The following CRYBG1 variants were observed in gnomAD, a reference collection of about 807,000 sequenced individuals.
CRYBG1 encodes crystallin beta-gamma domain containing 1.
A neutral mutation model predicts 189.2 loss-of-function variants in CRYBG1; 139 were observed. The observed-to-expected ratio is 0.73, with a 90% CI of 0.64 to 0.85. CRYBG1 has a LOEUF of 0.85. CRYBG1 is among the 40% of genes least tolerant of loss of function. The probability of loss-of-function intolerance (pLI) is 0.00; values close to 1 mark genes in which losing one functional copy is unlikely to be tolerated. For missense variants in CRYBG1, 2,611 were observed against 2,675.8 expected, an observed-to-expected ratio of 0.98 and a Z score of 0.53; for synonymous variants, 1,023 against 1,017.1, an observed-to-expected ratio of 1.01 and a Z score of -0.11.
At position 106,500,278 on chromosome 6, in the gene CRYBG1, C is replaced by T. The variant is rs553073979; in HGVS notation, c.313-11152C>T. ...CTATACTAATTTATATTCCCACCAA[C>T]AGTGTATAAGAATTCCCATTCTCCA... On this transcript the variant is annotated intron_variant, in intron 2 of 21. Transcript: ENST00000633556. Among the ~76,000 whole-genome samples the T allele has an allele frequency of 2.6e-5, 4 of 152,310 alleles. No individual in the cohort carries two copies. In the East Asian group the frequency reaches 7.7e-4, roughly 29 times the overall value.
At chr6:106,446,382 T>C (rs1425469522) in intron 1 of CRYBG1, among the ~76,000 whole-genome samples, 1 of 152,202 alleles carries the variant, frequency 6.6e-6, no homozygotes, top group Non-Finnish European at 1.5e-5. Context: ...AATAATTCAA[T>C]TCAATGCAGG....
chr6:106,497,985 C>T lies in CRYBG1; in HGVS notation c.313-13445C>T, dbSNP rs149042871. ...GCGTGGTGGCGCACGCCTGTAGTCC[C>T]AGCTGCTTAGGAGGCTGAGGCATGA... On this transcript the variant is annotated intron_variant, in intron 2 of 21. Coordinates refer to ENST00000633556, the MANE Select transcript of CRYBG1 (RefSeq NM_001371242.2). Among the ~76,000 whole-genome samples, 735 of 152,084 alleles carry T rather than the reference C, an allele frequency of 4.8e-3. 7 individuals are homozygous for T. Among genetic ancestry groups the T allele is most frequent in the African/African-American group, 0.017 (711 of 41,484 alleles).
chr6:106,423,694 CCTTTTTTT>C lies in CRYBG1; in HGVS notation c.174-27999_174-27992del, dbSNP rs1250996550. ...CCCTCCAGTCCTCAGTTCTCCCTCC[CCTTTTTTT>C]TTTTTTTTTTTTTTTTTTTTTGAGA... On this transcript the variant is annotated intron_variant, in intron 1 of 21. Coordinates refer to ENST00000633556, the MANE Select transcript of CRYBG1 (RefSeq NM_001371242.2). Among the ~76,000 whole-genome samples, 483 of 101,218 alleles carry C rather than the reference CCTTTTTTT, an allele frequency of 4.8e-3. 28 individuals carry two copies. Among genetic ancestry groups the C allele is most frequent in the African/African-American group, 0.019 (447 of 23,618 alleles). The allele number at this position is 101,218 out of a possible 152,430, so 66.4% of individuals were successfully genotyped here.
At chr6:106,556,048 TATTG>T in intron 17 of CRYBG1, 151 bp downstream of exon 17, 5 of 880,556 alleles carry the variant, frequency 5.7e-6, no homozygotes, top group Non-Finnish European at 8.9e-6. Flanking sequence ...ACATCTAGTT[TATTG>T]ATTCTAACTG....
At chr6:106,448,751 A>G (rs771117239) in intron 1 of CRYBG1, among the ~76,000 whole-genome samples, 6 of 152,112 alleles carry the variant, frequency 3.9e-5, no homozygotes, top group Non-Finnish European at 5.9e-5. Flanking sequence ...TTTTTTCCTA[A>G]TTGAACCTCA....
At chr6:106,365,680 A>ATTTTTTTTTTTTTT (rs10714082) in intron 1 of CRYBG1, among the ~76,000 whole-genome samples, 1 of 132,352 alleles carries the variant, frequency 7.6e-6, no homozygotes, top group Non-Finnish European at 1.7e-5. Context: ...AAGAACCTGT[A>ATTTTTTTTTTTTTT]TTTTTTTTTA....
chr6:106,422,159 T>C (rs1257548514), intron 1 of CRYBG1, among the ~76,000 whole-genome samples: 1 of 152,136 alleles, frequency 6.6e-6, no homozygotes, highest in Non-Finnish European at 1.5e-5. Flanking sequence ...CTCATTAGAA[T>C]TGGTGACTCC....
In CRYBG1 at chr6:106,502,410, G is replaced by T. The variant is rs376213715; in HGVS notation, c.313-9020G>T. On this transcript the variant is annotated intron_variant, in intron 2 of 21. Coordinates refer to ENST00000633556, the MANE Select transcript of CRYBG1 (RefSeq NM_001371242.2). ...CATTTTCCAGTTTGGCTAAATTTTA[G>T]TTAGGAACTAACTTGTCAGTAATTT... Among the ~76,000 whole-genome samples the T allele has an allele frequency of 5.9e-5, 9 of 152,280 alleles. No individual in the cohort carries two copies. The East Asian group carries it at 9.7e-4, about 16-fold the overall frequency.
At chr6:106,492,676 T>TATCATATGGCACTTATC (rs57985604) in intron 2 of CRYBG1, among the ~76,000 whole-genome samples, 2,617 of 152,256 alleles carry the variant, frequency 0.017, 84 homozygotes, top group African/African-American at 0.06. Flanking sequence ...TGGTAGTTAT[T>TATCATATGGCACTTATC]ATCATATGGC....
chr6:106,377,612 C>T (rs1770192653), intron 1 of CRYBG1, among the ~76,000 whole-genome samples: 1 of 5,168 alleles, frequency 1.9e-4, no homozygotes, highest in Admixed American at 3.1e-3. Flanking sequence ...ACTCATAAGT[C>T]CTAAGGTTTT....
At chr6:106,374,517 C>T (rs947870204) in intron 1 of CRYBG1, among the ~76,000 whole-genome samples, 23 of 152,152 alleles carry the variant, frequency 1.5e-4, no homozygotes, top group African/African-American at 5.3e-4. Flanking sequence ...ATGATTGTGC[C>T]ACTGCACTCC....
chr6:106,524,105 T>C (rs1392277687), intron 4 of CRYBG1, among the ~76,000 whole-genome samples: 1 of 152,188 alleles, frequency 6.6e-6, no homozygotes, highest in Non-Finnish European at 1.5e-5. Context: ...GTTCCTAAAA[T>C]AGGCATCCTG....
At chr6:106,521,601 A>G (rs1344764878) in intron 4 of CRYBG1, 148 bp downstream of exon 4, 1 of 948,580 alleles carries the variant, frequency 1.1e-6, no homozygotes, top group Admixed American at 3.2e-5. Context: ...AAAACCTGCA[A>G]TGTACAAGGG....
intron 1 of CRYBG1, among the ~76,000 whole-genome samples, chr6:106,442,790 A>G (rs1771589279): frequency 6.6e-6 from 1 of 152,206 alleles, no homozygotes; most frequent in African/African-American, 2.4e-5. Flanking sequence ...AAGAGATGAG[A>G]TGAGAGAAAG....
chr6:106,564,197 G>A (rs190558653), intron 21 of CRYBG1, among the ~76,000 whole-genome samples: 90 of 152,130 alleles, frequency 5.9e-4, no homozygotes, highest in African/African-American at 2.0e-3. Flanking sequence ...ACAAAACCCC[G>A]GAAGCTCAAA....
chr6:106,541,496 T>C, intron 9 of CRYBG1, 90 bp from the exon 10 acceptor site: 2 of 1,241,464 alleles, frequency 1.6e-6, no homozygotes, highest in Non-Finnish European at 2.4e-6. Context: ...CACACTGAAA[T>C]TCAATGTTTT....
chr6:106,512,081 G>A lies in CRYBG1; in HGVS notation c.964G>A (p.Glu322Lys), dbSNP rs1280803455. Residue 322 changes from glutamate to lysine, a missense_variant, in exon 3 of 22, where the codon GAA becomes AAA. Glu to Lys is a moderately conservative substitution (Grantham distance 56). Coordinates refer to ENST00000633556, the MANE Select transcript of CRYBG1 (RefSeq NM_001371242.2). ...APNGAPSVCA[E>K]EGSLGPRNAR... The stretch of plus-strand genomic sequence containing the variant: ...TAACGGAGCCCCCAGTGTGTGTGCC[G>A]AAGAAGGCTCCCTGGGGCCCCGCAA... 9 of 1,534,282 alleles carry A rather than the reference G, an allele frequency of 5.9e-6. No homozygotes were observed. Among genetic ancestry groups the A allele is most frequent in the Admixed American group, 2.0e-5 (1 of 50,896 alleles).
chr6:106,496,837 T>A (rs1259027985), intron 2 of CRYBG1, among the ~76,000 whole-genome samples: 6 of 152,234 alleles, frequency 3.9e-5, no homozygotes, highest in African/African-American at 7.2e-5. Context: ...GACGACATTT[T>A]AATTTTCATT....
chr6:106,544,074 G>A lies in CRYBG1; in HGVS notation c.5039+477G>A, dbSNP rs891635871. 6.6e-5 allele frequency among the ~76,000 whole-genome samples: 10 copies of A among 152,290 alleles called. No individual in the cohort carries two copies. The East Asian group carries it at 1.9e-3, about 29-fold the overall frequency. Reference sequence around the variant, plus strand: ...TCAAGGAAGGCTGATACATTGGCCTGTTCAAGTTGATCAAATCTACAACCT... The same window carrying A: ...TCAAGGAAGGCTGATACATTGGCCTATTCAAGTTGATCAAATCTACAACCT... On this transcript the variant is annotated intron_variant, in intron 11 of 21. Transcript: ENST00000633556.
Sources: allele counts gnomAD v4.1 joint callset (sites outside exome capture counted in the v4.1 genomes callset), GRCh38; gene constraint gnomAD v4.1.1; transcripts MANE v1.5; gene names NCBI Gene and HGNC (gene_info 2026-07-23, HGNC 2026-07-21).